PCDHGB2: variants seen among roughly 807,000 people sequenced by gnomAD.
PCDHGB2 encodes protocadherin gamma-B2.
A neutral mutation model predicts 59.3 loss-of-function variants in PCDHGB2; 55 were observed. The observed-to-expected ratio is 0.93, with a 90% CI of 0.75 to 1.16. The LOEUF (loss-of-function observed/expected upper bound fraction) is 1.16. Ranked by LOEUF, PCDHGB2 falls within the 50% of genes most tolerant of loss-of-function variation. The pLI is 0.00. For synonymous variants in PCDHGB2, 516 were observed against 512.0 expected, an observed-to-expected ratio of 1.01 and a Z score of -0.11; for missense variants, 1,228 against 1,198.5, an observed-to-expected ratio of 1.02 and a Z score of -0.36.
At chr5:141,467,460 T>G (rs1354012953) in intron 1 of PCDHGB2, among the ~76,000 whole-genome samples, 1 of 152,246 alleles carries the variant, frequency 6.6e-6, no homozygotes. Context: ...CCAGTGCTAG[T>G]ACTTGCATGG....
intron 1 of PCDHGB2, chr5:141,407,920 C>T: frequency 2.1e-6 from 1 of 475,788 alleles, no homozygotes; most frequent in Non-Finnish European, 3.6e-6. Context: ...GCTGCTGTCC[C>T]GCACGGAGCC....
intron 1 of PCDHGB2, chr5:141,427,958 G>T: frequency 6.3e-7 from 1 of 1,588,408 alleles, no homozygotes; most frequent in Non-Finnish European, 8.6e-7. Flanking sequence ...ACAATGTGCC[G>T]CGGGTGCTGT....
In PCDHGB2 at chr5:141,361,776, C is replaced by A. The variant is rs1291853084; in HGVS notation, c.1641C>A (p.Ser547Arg). Residue 547 changes from serine to arginine, a missense_variant, in exon 1 of 4, where the codon AGC becomes AGA. Physicochemically the swap from Ser to Arg is moderately radical, Grantham distance 110 (BLOSUM62 -1). This residue lies in a region of PCDHGB2 where 781 missense variants were observed against 721.6 expected (regional missense o/e 1.08). Transcript: ENST00000522605. ...CGCCCGCGCTCAGCGCCAACGTGAGCCTGCGCGTGTTAGTGGGCGACCTCA... is the reference window on the plus strand; with the variant it reads ...CGCCCGCGCTCAGCGCCAACGTGAGACTGCGCGTGTTAGTGGGCGACCTCA... ...QGSPALSANV[S>R]LRVLVGDLND... 1.9e-6 allele frequency: 3 copies of A among 1,613,110 alleles called. No homozygotes were observed. In the East Asian group the frequency reaches 6.7e-5, roughly 36 times the overall value.
Position 141,370,276 on chromosome 5 carries a change from C to G in PCDHGB2, c.2421+7720C>G, listed in dbSNP as rs1259059865. The G allele has an allele frequency of 3.6e-6, 3 of 839,228 alleles. No homozygotes were observed. The African/African-American group carries it at 5.1e-5, about 14-fold the overall frequency. 52.0% of individuals were successfully genotyped at this position (839,228 alleles called of 1,614,324 possible). ...ATCAGGCTTCCTGCAGCGGAGACAC[C>G]CATTAGAGAACCCAAGCACAAAGAC... On this transcript the variant is annotated intron_variant, in intron 1 of 3. Coordinates refer to ENST00000522605, the MANE Select transcript of PCDHGB2 (RefSeq NM_018923.3).
Position 141,490,156 on chromosome 5 carries a change from G to T in PCDHGB2, c.2422-4651G>T. On this transcript the variant is annotated intron_variant, in intron 1 of 3. Coordinates refer to ENST00000522605, the MANE Select transcript of PCDHGB2 (RefSeq NM_018923.3). The surrounding 1 kb of genome is among the most constrained non-coding windows in gnomAD (Gnocchi z 5.4). ...TAGCAGTGGGGCAATCCATGTGTTG[G>T]GTCCCATAGACTTTGAGGAGTCACG... is the stretch of plus-strand genomic sequence containing the variant. 3.1e-6 allele frequency: 5 copies of T among 1,614,192 alleles called. No individual in the cohort carries two copies. Among genetic ancestry groups the T allele is most frequent in the Non-Finnish European group, 4.2e-6 (5 of 1,180,034 alleles).
intron 1 of PCDHGB2, chr5:141,388,888 T>C: frequency 6.2e-7 from 1 of 1,613,774 alleles, no homozygotes; most frequent in Non-Finnish European, 8.5e-7. Flanking sequence ...GAGGTAGAAG[T>C]CATAGATGAA....
chr5:141,456,087 C>T (rs1218579202), intron 1 of PCDHGB2, among the ~76,000 whole-genome samples: 1 of 151,886 alleles, frequency 6.6e-6, no homozygotes, highest in Non-Finnish European at 1.5e-5. Context: ...TCAGTAGAGA[C>T]GGGATTTCAC....
rs569260568 is a variant in PCDHGB2, at chr5:141,408,294, A to G, written c.2421+45738A>G. The G allele has an allele frequency of 2.0e-5, 33 of 1,613,508 alleles. No homozygotes were observed. The East Asian group carries it at 7.1e-4, about 35-fold the overall frequency. ...CCTTTGTTCTACCCCACCCTGAGTG[A>G]GCCGATCCGCTACTCGATTCCGGAG... is the stretch of plus-strand genomic sequence containing the variant. On this transcript the variant is annotated intron_variant, in intron 1 of 3. Coordinates refer to ENST00000522605, the MANE Select transcript of PCDHGB2 (RefSeq NM_018923.3).
At position 141,477,879 on chromosome 5, in the gene PCDHGB2, A is replaced by T. The variant is rs932363258; in HGVS notation, c.2422-16928A>T. The T allele has an allele frequency of 3.4e-5, 55 of 1,614,060 alleles. No homozygotes were observed. The highest frequency in any genetic ancestry group is 4.6e-5 in the Non-Finnish European group (54 of 1,180,034). ...CTGCCTCGAGGTACCTCAGCTGGCCACCTAGTGTCACGGGTGGTAGGCTGG... is the reference window on the plus strand; with the variant it reads ...CTGCCTCGAGGTACCTCAGCTGGCCTCCTAGTGTCACGGGTGGTAGGCTGG... On this transcript the variant is annotated intron_variant, in intron 1 of 3. Coordinates refer to ENST00000522605, the MANE Select transcript of PCDHGB2 (RefSeq NM_018923.3). This position sits in a 1 kb window ranked among gnomAD's most constrained non-coding sequence, Gnocchi z 4.9.
chr5:141,420,454 TATTCAAAGAC>T, intron 1 of PCDHGB2: 1 of 968,104 alleles, frequency 1.0e-6, no homozygotes, highest in Admixed American at 3.7e-5. Context: ...GTCTTCCTAC[TATTCAAAGAC>T]ATTTTAAAGC....
At position 141,361,656 on chromosome 5, in the gene PCDHGB2, G is replaced by A; in HGVS notation, c.1521G>A (p.Val507=). 2 of 1,613,748 alleles carry A rather than the reference G, an allele frequency of 1.2e-6. No individual in the cohort carries two copies. Among genetic ancestry groups the A allele is most frequent in the Non-Finnish European group, 1.7e-6 (2 of 1,179,898 alleles). ...GGGAGATTTTATCCTACGTGTCCGTGAGCGCGCAGAGCGGGGTGGTGTTCG... is the reference window on the plus strand; with the variant it reads ...GGGAGATTTTATCCTACGTGTCCGTAAGCGCGCAGAGCGGGGTGGTGTTCG... ...KPREILSYVS[V]SAQSGVVFAQ... Residue 507 remains valine (V), a synonymous_variant, in exon 1 of 4, where the codon GTG becomes GTA. Transcript: ENST00000522605.
chr5:141,378,596 C>T (rs866872764), intron 1 of PCDHGB2: 2 of 152,150 alleles, frequency 1.3e-5, no homozygotes, highest in Non-Finnish European at 2.9e-5. Context: ...TGTCTGCTTA[C>T]AGGACATATC....
intron 3 of PCDHGB2, 124 bp from the exon 4 acceptor site, chr5:141,510,823 C>A: frequency 6.4e-7 from 1 of 1,562,432 alleles, no homozygotes. Context: ...CCTATATTCC[C>A]AGTGCTCAGC....
intron 1 of PCDHGB2, chr5:141,372,213 C>T (rs999187008): frequency 1.2e-6 from 2 of 1,613,592 alleles, no homozygotes; most frequent in Non-Finnish European, 1.7e-6. Context: ...GCTGTCCTAC[C>T]ACATTGTGCA....
chr5:141,489,066 C>G lies in PCDHGB2; in HGVS notation c.2422-5741C>G. The stretch of plus-strand genomic sequence containing the variant: ...CACTCAAATTCAGCTCCCCTCCCCC[C>G]TGCCCACCCCCGCCACTCGGTGACT... On this transcript the variant is annotated intron_variant, in intron 1 of 3. Transcript: ENST00000522605. This position sits in a 1 kb window ranked among gnomAD's most constrained non-coding sequence, Gnocchi z 4.5. 1 of 391,132 alleles carries G rather than the reference C, an allele frequency of 2.6e-6. No individual in the cohort carries two copies. Among genetic ancestry groups the G allele is most frequent in the South Asian group, 4.2e-5 (1 of 24,028 alleles). 24.2% of individuals were successfully genotyped at this position (391,132 alleles called of 1,614,324 possible).
intron 1 of PCDHGB2, chr5:141,422,014 C>T (rs1472942387): frequency 1.9e-6 from 3 of 1,610,040 alleles, no homozygotes; most frequent in African/African-American, 1.3e-5. Flanking sequence ...AACTCGGGTG[C>T]TGATGGTTAA....
chr5:141,370,607 G>T, intron 1 of PCDHGB2: 1 of 1,614,004 alleles, frequency 6.2e-7, no homozygotes, highest in South Asian at 1.1e-5. Context: ...TTATTGCAGA[G>T]AAGAAATTCT....
intron 1 of PCDHGB2, chr5:141,375,958 G>A (rs1002329693): frequency 7.4e-6 from 12 of 1,613,460 alleles, no homozygotes; most frequent in Non-Finnish European, 1.0e-5. Context: ...ACACGGGCGA[G>A]GTGCGCACGG....
At chr5:141,425,448 C>G (rs897473729) in intron 1 of PCDHGB2, among the ~76,000 whole-genome samples, 1 of 152,164 alleles carries the variant, frequency 6.6e-6, no homozygotes, top group African/African-American at 2.4e-5. Flanking sequence ...AAATAAAACA[C>G]CATCACATTT....
Sources: gnomAD v4.1 joint callset for allele counts (sites outside exome capture counted in the v4.1 genomes callset) on GRCh38, gnomAD v4.1.1 for gene constraint, gnomAD v4.1.1 regional missense constraint, Gnocchi (gnomAD v3.1) non-coding constraint, MANE v1.5 for transcripts, NCBI Gene and HGNC (gene_info 2026-07-23, HGNC 2026-07-21) for gene names.